IL13RA1: variants seen among roughly 807,000 people sequenced by gnomAD.
IL13RA1 encodes interleukin-13 receptor subunit alpha-1.
IL13RA1 carries 14 observed loss-of-function variants against 33.8 expected under a neutral mutation model. The ratio of observed to expected loss-of-function variants is 0.41; its 90% CI spans 0.27 to 0.65. The LOEUF (loss-of-function observed/expected upper bound fraction) is 0.65, where lower values mean the gene tolerates loss of function less well. Among genes scored for constraint, IL13RA1 ranks in the 30% least tolerant of loss-of-function variants. IL13RA1 has a pLI of 0.28. For synonymous variants in IL13RA1, 116 were observed against 115.7 expected (o/e 1.00, Z -0.02); for missense variants, 313 against 327.0 (o/e 0.96, Z 0.33).
chrX:118,757,678 C>CTTTTTTTTTTTT (rs765835021), intron 4 of IL13RA1, among the ~76,000 whole-genome samples: 2 of 58,352 alleles, frequency 3.4e-5, no homozygotes, highest in African/African-American at 1.5e-4. Context: ...AGAATTCTGC[C>CTTTTTTTTTTTT]TTTTTTTTTT....
chrX:118,729,686 T>C (rs1215243404), intron 1 of IL13RA1, among the ~76,000 whole-genome samples: 2 of 112,762 alleles, frequency 1.8e-5, no homozygotes. Flanking sequence ...AGCAGTTTTC[T>C]AGCTGCTTTA....
intron 7 of IL13RA1, 64 bp downstream of exon 7, chrX:118,766,641 C>T: frequency 3.0e-6 from 2 of 660,418 alleles, no homozygotes; most frequent in South Asian, 5.1e-5. Context: ...GGAGCATAGC[C>T]TAAATATGAG....
chrX:118,758,060 G>A lies in IL13RA1; in HGVS notation c.494G>A (p.Arg165Lys). The change falls in exon 5 of 11, where the codon AGA becomes AAA. Residue 165 changes from arginine to lysine, a missense_variant. Physicochemically the swap from Arg to Lys is conservative, Grantham distance 26. Transcript: ENST00000371666. The stretch of plus-strand genomic sequence containing the variant: ...TGTCTCATTTTATCTTGTAGGCACA[G>A]AAGCCTGGAAAAAATTCATCAATGT... ...DTNYTLYYWH[R>K]SLEKIHQCEN... is the part of the protein sequence containing the mutation. The A allele has an allele frequency of 8.8e-7, 1 of 1,140,227 alleles. No individual in the cohort carries two copies. The highest frequency in any genetic ancestry group is 1.2e-6 in the Non-Finnish European group (1 of 837,902). The allele number at this position is 1,140,227 out of a possible 1,213,427, so 94.0% of individuals were successfully genotyped here.
intron 8 of IL13RA1, chrX:118,770,630 C>T (rs1352220182): frequency 7.0e-6 from 3 of 425,962 alleles, no homozygotes; most frequent in Non-Finnish European, 1.3e-5. Context: ...GCTGGGCTGC[C>T]GCGGTGTGTC....
rs771164605 is a variant in IL13RA1 at position 118,788,742 on chromosome X, C to A, written c.1192-3020C>A. Among the ~76,000 whole-genome samples the A allele has an allele frequency of 1.8e-3, 198 of 111,879 alleles. 1 individual carries two copies. The highest frequency in any genetic ancestry group is 5.7e-3 in the African/African-American group (176 of 30,838). Reference sequence around the variant, plus strand: ...ATCCTAAATTTCATTGTATAGGCATCATTTCACAGCTAAGTATAAGCATAT... The same window carrying A: ...ATCCTAAATTTCATTGTATAGGCATAATTTCACAGCTAAGTATAAGCATAT... On this transcript the variant is annotated intron_variant, in intron 10 of 10. Coordinates refer to ENST00000371666, the MANE Select transcript of IL13RA1 (RefSeq NM_001560.3).
chrX:118,727,688 C>CCGGCGG lies in IL13RA1; in HGVS notation c.54_59dup (p.Gly24_Gly25dup), dbSNP rs2017168309. On this transcript the variant is annotated inframe_insertion, in exon 1 of 11. Coordinates refer to ENST00000371666, the MANE Select transcript of IL13RA1 (RefSeq NM_001560.3). ...GGGCTGTGGGCGCTGCTGCTCTGCG[C>CCGGCGG]CGGCGGCGGGGGCGGGGGCGGGGGC... is the stretch of plus-strand genomic sequence containing the variant. 3.3e-6 allele frequency: 3 copies of CCGGCGG among 903,076 alleles called. No individual in the cohort carries two copies. The highest frequency in any genetic ancestry group is 4.1e-6 in the Non-Finnish European group (3 of 730,124). The allele number at this position is 903,076 out of a possible 1,213,427, so 74.4% of individuals were successfully genotyped here.
intron 10 of IL13RA1, among the ~76,000 whole-genome samples, chrX:118,779,280 G>T (rs1364381385): frequency 9.0e-6 from 1 of 111,269 alleles, no homozygotes. Context: ...CAATTTTGAG[G>T]AAATGATCCA....
intron 10 of IL13RA1, among the ~76,000 whole-genome samples, chrX:118,777,503 C>T (rs1433849180): frequency 8.9e-6 from 1 of 111,953 alleles, no homozygotes; most frequent in African/African-American, 3.2e-5. Context: ...TCAAAACATG[C>T]AGGAAGAAGG....
In IL13RA1 at chrX:118,758,173, C is replaced by A; in HGVS notation, c.607C>A (p.Gln203Lys). ...KDSSFEQHSV[Q>K]IMVKDNAGKI... is the part of the protein sequence containing the mutation. ...TTCCAGTTTTGAACAACACAGTGTC[C>A]AAATAATGGTCAAGGATAATGCAGG... Residue 203 changes from glutamine (Q) to lysine (K), a missense_variant, in exon 5 of 11, where the codon CAA (glutamine) becomes AAA (lysine). Coordinates refer to ENST00000371666, the MANE Select transcript of IL13RA1 (RefSeq NM_001560.3). The A allele has an allele frequency of 8.8e-7, 1 of 1,140,554 alleles. No individual in the cohort carries two copies. Among genetic ancestry groups the A allele is most frequent in the Non-Finnish European group, 1.2e-6 (1 of 835,322 alleles). 94.0% of individuals were successfully genotyped at this position (1,140,554 alleles called of 1,213,427 possible).
At position 118,792,008 on chromosome X, in the gene IL13RA1, C is replaced by G; in HGVS notation, c.*154C>G. On this transcript the variant is annotated 3_prime_UTR_variant, in exon 11 of 11. Transcript: ENST00000371666. ...AGCCACAGGTCTTTATGTTGAGTCG[C>G]GCACCGAAAAACTAAAAATAATGGG... 1 of 326,006 alleles carries G rather than the reference C, an allele frequency of 3.1e-6. No homozygotes were observed. Among genetic ancestry groups the G allele is most frequent in the South Asian group, 8.6e-5 (1 of 11,673 alleles). The allele number at this position is 326,006 out of a possible 1,213,427, so 26.9% of individuals were successfully genotyped here. A position where few individuals can be genotyped will look rare whatever the true frequency, so the allele number is the denominator to read the frequency against.
At chrX:118,780,887 A>G (rs2017836098) in intron 10 of IL13RA1, among the ~76,000 whole-genome samples, 1 of 112,158 alleles carries the variant, frequency 8.9e-6, no homozygotes, top group Non-Finnish European at 1.9e-5. Flanking sequence ...TTCCAATCCA[A>G]ATAAATAATC....
intron 10 of IL13RA1, among the ~76,000 whole-genome samples, chrX:118,780,169 A>G (rs769431476): frequency 2.8e-4 from 31 of 111,884 alleles, no homozygotes; most frequent in Non-Finnish European, 5.3e-4. Flanking sequence ...TTTTAACCAA[A>G]TGAAAAAAAT....
intron 9 of IL13RA1, 41 bp downstream of exon 9, chrX:118,774,016 C>T (rs1244665944): frequency 3.2e-6 from 2 of 616,724 alleles, no homozygotes; most frequent in African/African-American, 4.4e-5. Flanking sequence ...TTTCTGATAG[C>T]CTGTTTGCTG....
At chrX:118,727,823 C>T (rs1237843456) in intron 1 of IL13RA1, 97 bp downstream of exon 1, 2 of 355,557 alleles carry the variant, frequency 5.6e-6, no homozygotes, top group South Asian at 1.6e-4. Context: ...GGGCGGAGGG[C>T]CGAAGCTGGG....
chrX:118,772,635 T>C (rs1294359764), intron 8 of IL13RA1, among the ~76,000 whole-genome samples: 1 of 112,736 alleles, frequency 8.9e-6, no homozygotes, highest in East Asian at 2.8e-4. Context: ...GTTTATTTGC[T>C]AAAAGCAAAC....
intron 9 of IL13RA1, among the ~76,000 whole-genome samples, chrX:118,775,032 C>A (rs963214174): frequency 9.0e-6 from 1 of 111,014 alleles, no homozygotes; most frequent in African/African-American, 3.3e-5. Context: ...CACACACACA[C>A]AAAATAAATA....
At chrX:118,745,138 T>C (rs926705090) in intron 2 of IL13RA1, among the ~76,000 whole-genome samples, 1 of 112,108 alleles carries the variant, frequency 8.9e-6, no homozygotes, top group African/African-American at 3.2e-5. Flanking sequence ...TTTACTTTGT[T>C]GTGAAAATGG....
At chrX:118,729,236 C>T (rs1271867004) in intron 1 of IL13RA1, among the ~76,000 whole-genome samples, 3 of 111,979 alleles carry the variant, frequency 2.7e-5, no homozygotes, top group African/African-American at 9.7e-5. Flanking sequence ...CTCACTCCCA[C>T]ACACACCTGA....
At position 118,761,301 on chromosome X, in the gene IL13RA1, A is replaced by G; in HGVS notation, c.828+12A>G. On this transcript the variant is annotated intron_variant, in intron 6 of 10. Transcript: ENST00000371666. Reference sequence around the variant, plus strand: ...ATAATGTTTTCTACGTAAGGTTTTAAAATTATTGTTTTTATTTGGCTATTT... The same window carrying G: ...ATAATGTTTTCTACGTAAGGTTTTAGAATTATTGTTTTTATTTGGCTATTT... The G allele has an allele frequency of 2.2e-6, 2 of 892,275 alleles. No individual in the cohort carries two copies. The highest frequency in any genetic ancestry group is 3.1e-6 in the Non-Finnish European group (2 of 645,713). The allele number at this position is 892,275 out of a possible 1,213,427, so 73.5% of individuals were successfully genotyped here.
Sources: gnomAD v4.1 joint callset for allele counts (sites outside exome capture counted in the v4.1 genomes callset) on GRCh38, gnomAD v4.1.1 for gene constraint, MANE v1.5 for transcripts, NCBI Gene and HGNC (gene_info 2026-07-23, HGNC 2026-07-21) for gene names.